AP3B1: variants seen among roughly 807,000 people sequenced by gnomAD.
AP3B1 encodes AP-3 complex subunit beta-1.
A neutral mutation model predicts 132.5 loss-of-function variants in AP3B1; 61 were observed. The observed-to-expected ratio is 0.46, with a 90% CI of 0.37 to 0.57. The LOEUF is 0.57. AP3B1 is among the 20% of genes least tolerant of loss of function. The pLI, the probability that AP3B1 is intolerant of heterozygous loss-of-function variation, is 0.00. For missense variants in AP3B1, 1,120 were observed against 1,289.4 expected, an observed-to-expected ratio of 0.87 and a Z score of 2.01; for synonymous variants, 388 against 438.3, an observed-to-expected ratio of 0.89 and a Z score of 1.43.
chr5:78,083,699 T>C (rs549015286), intron 22 of AP3B1, among the ~76,000 whole-genome samples: 1 of 152,332 alleles, frequency 6.6e-6, no homozygotes, highest in East Asian at 1.9e-4. Flanking sequence ...TGTTTATAAA[T>C]AATATTTATT....
chr5:78,051,684 C>T (rs1748590852), intron 22 of AP3B1, among the ~76,000 whole-genome samples: 2 of 152,142 alleles, frequency 1.3e-5, no homozygotes, highest in Non-Finnish European at 2.9e-5. Flanking sequence ...ATTATCAATC[C>T]ATTCTGTTTT....
intron 23 of AP3B1, among the ~76,000 whole-genome samples, chr5:78,034,795 A>G (rs1408187915): frequency 6.6e-6 from 1 of 151,970 alleles, no homozygotes; most frequent in Admixed American, 6.6e-5. Context: ...CATACCTGTA[A>G]TGGACTTTGG....
intron 17 of AP3B1, among the ~76,000 whole-genome samples, chr5:78,123,493 AT>A: frequency 6.6e-6 from 1 of 152,158 alleles, no homozygotes; most frequent in Admixed American, 6.5e-5. Flanking sequence ...ACTCAAACAA[AT>A]TTACAAGAAA....
intron 21 of AP3B1, among the ~76,000 whole-genome samples, chr5:78,093,141 C>A (rs547068405): frequency 6.6e-5 from 10 of 152,250 alleles, no homozygotes; most frequent in African/African-American, 2.4e-4. Flanking sequence ...ATCTGTTAAA[C>A]AGAATTTGTT....
chr5:78,117,641 A>G (rs1186884640), intron 17 of AP3B1, among the ~76,000 whole-genome samples: 1 of 152,186 alleles, frequency 6.6e-6, no homozygotes, highest in Non-Finnish European at 1.5e-5. Context: ...TGGCTGACAC[A>G]ATAAATACTA....
chr5:78,123,541 G>A (rs1290603593), intron 17 of AP3B1, among the ~76,000 whole-genome samples: 3 of 152,086 alleles, frequency 2.0e-5, no homozygotes, highest in African/African-American at 4.8e-5. Flanking sequence ...GGCGAAGGAT[G>A]TGAACAGACA....
intron 3 of AP3B1, among the ~76,000 whole-genome samples, chr5:78,228,938 C>T (rs1320942639): frequency 2.0e-5 from 3 of 151,986 alleles, no homozygotes; most frequent in Non-Finnish European, 4.4e-5. Flanking sequence ...TTTTGGTTTT[C>T]GATTTTTTTT....
At chr5:78,176,626 T>C (rs1744158872) in intron 9 of AP3B1, among the ~76,000 whole-genome samples, 1 of 152,214 alleles carries the variant, frequency 6.6e-6, no homozygotes, top group Non-Finnish European at 1.5e-5. Flanking sequence ...AATGAAGGTA[T>C]TCTTAAACAC....
chr5:78,066,412 A>C (rs1277745650), intron 22 of AP3B1, among the ~76,000 whole-genome samples: 1 of 152,194 alleles, frequency 6.6e-6, no homozygotes, highest in Non-Finnish European at 1.5e-5. Flanking sequence ...GAAGCTAAGA[A>C]CCGTGATAAA....
At chr5:78,029,384 C>T (rs1324945742) in intron 24 of AP3B1, among the ~76,000 whole-genome samples, 2 of 150,752 alleles carry the variant, frequency 1.3e-5, no homozygotes, top group South Asian at 2.1e-4. Flanking sequence ...CTGATAAATG[C>T]ATACACACAC....
chr5:78,136,523 A>G (rs1752917079), intron 15 of AP3B1, among the ~76,000 whole-genome samples: 1 of 152,202 alleles, frequency 6.6e-6, no homozygotes, highest in Non-Finnish European at 1.5e-5. Flanking sequence ...GTTAACATCT[A>G]CATGTGTTAT....
chr5:78,130,411 A>G (rs541141023), intron 15 of AP3B1, among the ~76,000 whole-genome samples: 1 of 152,214 alleles, frequency 6.6e-6, no homozygotes, highest in Admixed American at 6.5e-5. Flanking sequence ...TTTTACAATA[A>G]TTGCTTAAGA....
At chr5:78,050,228 ATTTCCTT>A (rs1748522025) in intron 22 of AP3B1, among the ~76,000 whole-genome samples, 1 of 151,884 alleles carries the variant, frequency 6.6e-6, no homozygotes, top group Admixed American at 6.6e-5. Flanking sequence ...CTCCCTTCTG[ATTTCCTT>A]TTTCCTTTTT....
Position 78,156,277 on chromosome 5 carries a change from T to C in AP3B1, c.1454A>G (p.Lys485Arg), listed in dbSNP as rs752164658. The change falls in exon 14 of 27, where the codon AAA becomes AGA. Residue 485 changes from lysine (K) to arginine (R), a missense_variant. By Grantham distance (26) the Lys-to-Arg change is conservative. Transcript: ENST00000255194. ...QHGEIIKHMA[K>R]LLDSITVPVA... ...ACTCACAGTGATACTGTCCAGGAGT[T>C]TGGCCATATGTTTAATAATTTCACC... 3.1e-6 allele frequency: 5 copies of C among 1,611,838 alleles called. No homozygotes were observed. The East Asian group carries it at 6.7e-5, about 22-fold the overall frequency.
chr5:78,007,615 A>G (rs1326855449), intron 26 of AP3B1, among the ~76,000 whole-genome samples: 1 of 152,174 alleles, frequency 6.6e-6, no homozygotes, highest in South Asian at 2.1e-4. Flanking sequence ...TGTAAGAAAT[A>G]CTGGTTGGAA....
chr5:78,237,654 G>A (rs910959507), intron 3 of AP3B1, among the ~76,000 whole-genome samples: 4 of 151,862 alleles, frequency 2.6e-5, no homozygotes, highest in Non-Finnish European at 4.4e-5. Flanking sequence ...CTAAAAATAC[G>A]AAAAATAAAT....
At chr5:78,221,110 T>C (rs1215846073) in intron 6 of AP3B1, among the ~76,000 whole-genome samples, 1 of 151,950 alleles carries the variant, frequency 6.6e-6, no homozygotes, top group Non-Finnish European at 1.5e-5. Context: ...TATCTCGAAA[T>C]AGTTTGGGGA....
chr5:78,245,952 T>C (rs1440646480), intron 2 of AP3B1, among the ~76,000 whole-genome samples: 1 of 152,118 alleles, frequency 6.6e-6, no homozygotes, highest in Non-Finnish European at 1.5e-5. Context: ...GGAAGACAAG[T>C]TTTCAGGTAA....
chr5:78,235,953 TGAGAG>T (rs999474083), intron 3 of AP3B1, among the ~76,000 whole-genome samples: 7 of 152,312 alleles, frequency 4.6e-5, no homozygotes, highest in African/African-American at 1.7e-4. Context: ...ATTTTGCACT[TGAGAG>T]GAGTGAAACA....
Sources: gnomAD v4.1 joint callset for allele counts (sites outside exome capture counted in the v4.1 genomes callset) on GRCh38, gnomAD v4.1.1 for gene constraint, MANE v1.5 for transcripts, NCBI Gene and HGNC (gene_info 2026-07-23, HGNC 2026-07-21) for gene names.